ADGRL2: variants seen among roughly 807,000 people sequenced by gnomAD.
ADGRL2 encodes the protein calcium-independent alpha-latrotoxin receptor 2.
ADGRL2 carries 44 observed loss-of-function variants against 157.4 expected under a neutral mutation model. The observed-to-expected ratio is 0.28, with a 90% CI of 0.22 to 0.36. The LOEUF (loss-of-function observed/expected upper bound fraction) is 0.36. ADGRL2 is among the 10% of genes least tolerant of loss of function. The probability of loss-of-function intolerance (pLI) is 1.00; values close to 1 mark genes in which losing one functional copy is unlikely to be tolerated. For synonymous variants in ADGRL2, 585 were observed against 624.7 expected (o/e 0.94, Z 0.95); for missense variants, 1,510 against 1,768.9 (o/e 0.85, Z 2.63).
At chr1:81,851,326 C>T (rs1037386560) in intron 2 of ADGRL2, among the ~76,000 whole-genome samples, 7 of 151,790 alleles carry the variant, frequency 4.6e-5, no homozygotes, top group African/African-American at 1.7e-4. Context: ...ATTGATGAAC[C>T]CAGCTAATAT....
chr1:81,622,101 T>C (rs774111344), intron 3 of ADGRL2, among the ~76,000 whole-genome samples: 7 of 152,316 alleles, frequency 4.6e-5, no homozygotes, highest in Middle Eastern at 3.4e-3. Flanking sequence ...AGCTAGGACT[T>C]TTTTAATGAT....
chr1:81,319,278 C>T (rs1263448089), intron 1 of ADGRL2, among the ~76,000 whole-genome samples: 1 of 152,080 alleles, frequency 6.6e-6, no homozygotes, highest in Admixed American at 6.5e-5. Context: ...GTGATGCTCA[C>T]TTGTTTGTTT....
chr1:81,591,124 G>A (rs2081123689), intron 3 of ADGRL2, among the ~76,000 whole-genome samples: 1 of 152,196 alleles, frequency 6.6e-6, no homozygotes, highest in Non-Finnish European at 1.5e-5. Flanking sequence ...CAGATCTGAG[G>A]ATTGTCTTAT....
intron 1 of ADGRL2, among the ~76,000 whole-genome samples, chr1:81,399,241 A>G (rs2076709591): frequency 1.3e-5 from 2 of 152,312 alleles, no homozygotes; most frequent in South Asian, 4.1e-4. Flanking sequence ...CCTGTGATCC[A>G]ATCACCTCCC....
chr1:81,357,198 A>C (rs146927744), intron 1 of ADGRL2, among the ~76,000 whole-genome samples: 42 of 151,846 alleles, frequency 2.8e-4, no homozygotes, highest in Non-Finnish European at 5.2e-4. Context: ...GAACACTGTG[A>C]CTCTTTGGAC....
At chr1:81,590,678 T>C (rs775967410) in intron 3 of ADGRL2, among the ~76,000 whole-genome samples, 6 of 152,162 alleles carry the variant, frequency 3.9e-5, no homozygotes, top group Non-Finnish European at 8.8e-5. Flanking sequence ...TAGATATGGA[T>C]ATTTCAATCT....
In ADGRL2 at chr1:81,470,665, G is replaced by T. The variant is rs532665699; in HGVS notation, c.-248+25576G>T. On this transcript the variant is annotated intron_variant, in intron 2 of 24. Transcript: ENST00000370721. ...TGAGAGAACCCTATCTTCTTTGTGG[G>T]TGGGTTGTATTTCTGAACTATTGAA... 7.2e-5 allele frequency among the ~76,000 whole-genome samples: 11 copies of T among 152,256 alleles called. No individual in the cohort carries two copies. In the East Asian group the frequency reaches 1.9e-3, roughly 27 times the overall value.
chr1:81,307,856 T>C (rs1446256458), intron 1 of ADGRL2, among the ~76,000 whole-genome samples: 1 of 149,418 alleles, frequency 6.7e-6, no homozygotes, highest in Admixed American at 6.6e-5. Context: ...TAAAAAAAAA[T>C]GCGCCTTGAT....
chr1:81,905,917 T>A (rs953479302), intron 2 of ADGRL2, among the ~76,000 whole-genome samples: 18 of 151,552 alleles, frequency 1.2e-4, no homozygotes, highest in Non-Finnish European at 2.2e-4. Flanking sequence ...GATATTTCAG[T>A]ACAAGGTCAG....
chr1:81,975,921 A>T (rs1187131908), intron 17 of ADGRL2, among the ~76,000 whole-genome samples: 1 of 152,066 alleles, frequency 6.6e-6, no homozygotes, highest in Non-Finnish European at 1.5e-5. Flanking sequence ...GCAAAATTAT[A>T]ATTATCAGAA....
chr1:81,328,947 T>C (rs1661085698), intron 1 of ADGRL2, among the ~76,000 whole-genome samples: 1 of 148,342 alleles, frequency 6.7e-6, no homozygotes, highest in Non-Finnish European at 1.5e-5. Context: ...CAGTAAAGGA[T>C]ATTTTACATG....
At chr1:81,684,517 T>C (rs1187063913) in intron 3 of ADGRL2, among the ~76,000 whole-genome samples, 3 of 152,242 alleles carry the variant, frequency 2.0e-5, no homozygotes. Flanking sequence ...GAGTTCATTG[T>C]AGATTCTGGA....
At chr1:81,365,656 G>C (rs570507951) in intron 1 of ADGRL2, among the ~76,000 whole-genome samples, 2 of 152,288 alleles carry the variant, frequency 1.3e-5, no homozygotes, top group South Asian at 2.1e-4. Flanking sequence ...GATAACGGAG[G>C]ATCATCATTT....
chr1:81,845,687 T>C (rs560583897), intron 2 of ADGRL2, among the ~76,000 whole-genome samples: 1 of 151,974 alleles, frequency 6.6e-6, no homozygotes, highest in South Asian at 2.1e-4. Flanking sequence ...TTTCTTATTT[T>C]TTTTTTTACA....
chr1:81,697,780 T>C (rs2083475632), upstream of ADGRL2, among the ~76,000 whole-genome samples: 1 of 152,196 alleles, frequency 6.6e-6, no homozygotes, highest in South Asian at 2.1e-4. Context: ...TAGATGTTTT[T>C]AGATGTTTTA....
At chr1:81,914,901 C>T (rs1253521087) in intron 3 of ADGRL2, among the ~76,000 whole-genome samples, 1 of 152,130 alleles carries the variant, frequency 6.6e-6, no homozygotes, top group Non-Finnish European at 1.5e-5. Context: ...AAGCAAAGCA[C>T]TCATAGGAAG....
At position 81,690,136 on chromosome 1, in the gene ADGRL2, A is replaced by G. The variant is rs1298664862; in HGVS notation, c.-142-71675A>G. Among the ~76,000 whole-genome samples the G allele has an allele frequency of 3.9e-5, 6 of 152,170 alleles. No homozygotes were observed. The South Asian group carries it at 8.3e-4, about 21-fold the overall frequency. ...ATTATTTTTCACTGTAACCCATACT[A>G]TCAACAGCAGATGACATCGATTTGA... On this transcript the variant is annotated intron_variant, in intron 3 of 24. Transcript: ENST00000370721.
chr1:81,507,562 A>G (rs2079000423), intron 2 of ADGRL2, among the ~76,000 whole-genome samples: 1 of 152,152 alleles, frequency 6.6e-6, no homozygotes, highest in African/African-American at 2.4e-5. Context: ...GTGGCCATTT[A>G]TCTCACTCCT....
At chr1:81,609,288 T>C (rs1044489516) in intron 3 of ADGRL2, among the ~76,000 whole-genome samples, 3 of 152,144 alleles carry the variant, frequency 2.0e-5, no homozygotes, top group African/African-American at 4.8e-5. Context: ...GATCCACCCA[T>C]CTTGGCCTCT....
Sources: allele counts gnomAD v4.1 joint callset (sites outside exome capture counted in the v4.1 genomes callset), GRCh38; gene constraint gnomAD v4.1.1; transcripts MANE v1.5; gene names NCBI Gene and HGNC (gene_info 2026-07-23, HGNC 2026-07-21).